The following MAN2B2 variants were observed in gnomAD, a reference collection of about 807,000 sequenced individuals.
The protein encoded by MAN2B2 is mannosidase alpha class 2B member 2.
In MAN2B2, 106 loss-of-function variants were observed where a neutral mutation model predicts 117.1. The observed-to-expected ratio is 0.90, with a 90% CI of 0.77 to 1.06. The LOEUF (loss-of-function observed/expected upper bound fraction) is 1.06. Ranked by LOEUF, MAN2B2 falls within the 50% of genes least tolerant of loss-of-function variation. MAN2B2 has a pLI of 0.00. For synonymous variants in MAN2B2, 544 were observed against 595.1 expected (o/e 0.91, Z 1.25); for missense variants, 1,326 against 1,381.4 (o/e 0.96, Z 0.64).
At chr4:6,607,884 G>A (rs367797639) in intron 11 of MAN2B2, among the ~76,000 whole-genome samples, 2 of 152,034 alleles carry the variant, frequency 1.3e-5, no homozygotes, top group South Asian at 2.1e-4. Context: ...TCACATCCTC[G>A]CCCACACTTG....
chr4:6,614,492 A>C, intron 16 of MAN2B2, 137 bp downstream of exon 16: 1 of 1,079,088 alleles, frequency 9.3e-7, no homozygotes, highest in Non-Finnish European at 1.3e-6. Context: ...TATCTGGCAC[A>C]TGGGGAGAGT....
chr4:6,603,655 C>G (rs1399424605), intron 10 of MAN2B2, among the ~76,000 whole-genome samples: 1 of 152,044 alleles, frequency 6.6e-6, no homozygotes, highest in South Asian at 2.1e-4. Context: ...GTGTACTAAC[C>G]AAACAGACAA....
intron 5 of MAN2B2, among the ~76,000 whole-genome samples, chr4:6,589,673 C>A (rs1290253404): frequency 6.6e-6 from 1 of 152,144 alleles, no homozygotes; most frequent in African/African-American, 2.4e-5. Context: ...GGTAAGTGAC[C>A]AGATCAGGGT....
intron 3 of MAN2B2, among the ~76,000 whole-genome samples, chr4:6,585,872 G>C (rs955186249): frequency 1.3e-5 from 2 of 152,166 alleles, no homozygotes; most frequent in Non-Finnish European, 2.9e-5. Flanking sequence ...CGACCCAGGA[G>C]AGCAGGCAAG....
intron 15 of MAN2B2, among the ~76,000 whole-genome samples, chr4:6,613,752 GGAAAA>G (rs1275454048): frequency 5.3e-4 from 76 of 144,302 alleles, no homozygotes; most frequent in African/African-American, 1.7e-3. Context: ...GGGACGGGAG[GGAAAA>G]GAAAAGAAGA....
At chr4:6,582,505 AT>A in intron 3 of MAN2B2, among the ~76,000 whole-genome samples, 1 of 151,876 alleles carries the variant, frequency 6.6e-6, no homozygotes, top group Non-Finnish European at 1.5e-5. Flanking sequence ...TGCCCAGCTA[AT>A]TTTCATATTT....
intron 16 of MAN2B2, among the ~76,000 whole-genome samples, chr4:6,616,813 A>G (rs1241037426): frequency 1.3e-5 from 2 of 152,110 alleles, no homozygotes; most frequent in Non-Finnish European, 2.9e-5. Flanking sequence ...TCTGCCGCGC[A>G]CCAGCTGTAT....
intron 9 of MAN2B2, 93 bp from the exon 10 acceptor site, chr4:6,600,530 C>T: frequency 6.8e-7 from 1 of 1,473,840 alleles, no homozygotes; most frequent in Non-Finnish European, 9.3e-7. Context: ...TCTCACCTAC[C>T]TCAGTTTCCC....
chr4:6,600,825 G>A, intron 10 of MAN2B2, 69 bp downstream of exon 10: 4 of 1,578,936 alleles, frequency 2.5e-6, no homozygotes, highest in South Asian at 1.1e-5. Flanking sequence ...CGGGCACATT[G>A]TCTCTTCTGA....
intron 3 of MAN2B2, among the ~76,000 whole-genome samples, chr4:6,582,428 T>A (rs1726473546): frequency 6.6e-6 from 1 of 152,138 alleles, no homozygotes; most frequent in South Asian, 2.1e-4. Context: ...AATCTCTACC[T>A]CGCAGGTTCA....
intron 5 of MAN2B2, among the ~76,000 whole-genome samples, chr4:6,589,587 A>G (rs1025994798): frequency 2.0e-5 from 3 of 152,146 alleles, no homozygotes; most frequent in African/African-American, 7.2e-5. Flanking sequence ...ATGGTGTCCC[A>G]TTCTTCAGCC....
Position 6,621,481 on chromosome 4 carries a change from G to A in MAN2B2, c.*196G>A. 1.8e-6 allele frequency: 1 copy of A among 555,504 alleles called. No individual in the cohort carries two copies. Among genetic ancestry groups the A allele is most frequent in the Non-Finnish European group, 3.2e-6 (1 of 311,156 alleles). The allele number at this position is 555,504 out of a possible 1,614,324, so 34.4% of individuals were successfully genotyped here. A position where few individuals can be genotyped will look rare whatever the true frequency, so the allele number is the denominator to read the frequency against. ...AACAAAAATTACATTACAAGATCCA[G>A]GTTCTTCCCCCCCACACTCAATCAA... On this transcript the variant is annotated 3_prime_UTR_variant, in exon 19 of 19. Transcript: ENST00000285599.
At chr4:6,586,239 T>A (rs1023016263) in intron 3 of MAN2B2, among the ~76,000 whole-genome samples, 3 of 151,952 alleles carry the variant, frequency 2.0e-5, no homozygotes, top group Non-Finnish European at 2.9e-5. Context: ...TTTGTGTGCA[T>A]GTGTAGAGAT....
chr4:6,586,052 G>GTTTTTTTTTTTTTT (rs1560639815), intron 3 of MAN2B2, among the ~76,000 whole-genome samples: 1 of 149,284 alleles, frequency 6.7e-6, no homozygotes, highest in African/African-American at 2.5e-5. Context: ...CTTTTCTTGT[G>GTTTTTTTTTTTTTT]GTTTTTTTTT....
Position 6,575,222 on chromosome 4 carries a change from G to GTGCTGGCTGCCGC in MAN2B2, c.20_32dup (p.Pro12AlafsTer109). ...GGCCTGCCGCAGGGATGGGGCAGCT[G>GTGCTGGCTGCCGC]TGCTGGCTGCCGCTGCTGGCACCGC... On this transcript the variant is annotated frameshift_variant, in exon 1 of 19. Transcript: ENST00000285599. LOFTEE classifies it high-confidence loss of function. 1 of 1,516,188 alleles carries GTGCTGGCTGCCGC rather than the reference G, an allele frequency of 6.6e-7. No homozygotes were observed. The highest frequency in any genetic ancestry group is 8.9e-7 in the Non-Finnish European group (1 of 1,128,722). The allele number at this position is 1,516,188 out of a possible 1,614,324, so 93.9% of individuals were successfully genotyped here. A position where few individuals can be genotyped will look rare whatever the true frequency, so the allele number is the denominator to read the frequency against.
chr4:6,602,750 G>GCC (rs1727380731), intron 10 of MAN2B2, among the ~76,000 whole-genome samples: 1 of 150,080 alleles, frequency 6.7e-6, no homozygotes, highest in African/African-American at 2.5e-5. Context: ...GCTCACTGCA[G>GCC]CCTCAACATC....
intron 4 of MAN2B2, among the ~76,000 whole-genome samples, chr4:6,588,182 G>T (rs1356229423): frequency 6.6e-6 from 1 of 152,170 alleles, no homozygotes; most frequent in Admixed American, 6.5e-5. Flanking sequence ...TTGTCCCATG[G>T]TTCTGGAGGC....
At chr4:6,588,675 A>G (rs1726738713) in intron 4 of MAN2B2, among the ~76,000 whole-genome samples, 2 of 152,200 alleles carry the variant, frequency 1.3e-5, no homozygotes, top group African/African-American at 4.8e-5. Flanking sequence ...AGATCGTGAC[A>G]CTGCACTCCT....
At chr4:6,614,410 G>C in intron 16 of MAN2B2, 55 bp downstream of exon 16, 2 of 1,588,888 alleles carry the variant, frequency 1.3e-6, no homozygotes, top group Middle Eastern at 4.2e-4. Context: ...GAGTCAAACA[G>C]GCCACCGGGC....
Sources: allele counts gnomAD v4.1 joint callset (sites outside exome capture counted in the v4.1 genomes callset), GRCh38; gene constraint gnomAD v4.1.1; transcripts MANE v1.5; gene names NCBI Gene and HGNC (gene_info 2026-07-23, HGNC 2026-07-21).